The following CDH5 variants were observed in gnomAD, a reference collection of about 807,000 sequenced individuals.
CDH5 encodes cadherin-5.
Under a neutral mutation model 62.0 loss-of-function variants are expected in CDH5, and 28 were observed. The ratio of observed to expected loss-of-function variants is 0.45; its 90% confidence interval spans 0.33 to 0.62. The LOEUF (loss-of-function observed/expected upper bound fraction) is 0.62, where lower values mean the gene tolerates loss of function less well. Among genes scored for constraint, CDH5 ranks in the 20% least tolerant of loss-of-function variants. The pLI is 0.02. For missense variants in CDH5, 940 were observed against 1,065.1 expected (o/e 0.88, Z 1.63); for synonymous variants, 464 against 445.8 (o/e 1.04, Z -0.52).
Position 66,379,445 on chromosome 16 carries a change from C to T in CDH5, c.108C>T (p.His36=). The change falls in exon 2 of 12, where the codon CAC becomes CAT. Residue 36 remains histidine (H), a synonymous_variant. Transcript: ENST00000341529. ...CTAACCCTGCCCAACGGGACACCCA[C>T]AGCCTGCTGCCCACCCACCGGCGCC... ...AGANPAQRDT[H]SLLPTHRRQK... The T allele has an allele frequency of 6.2e-7, 1 of 1,614,218 alleles. No individual in the cohort carries two copies. The highest frequency in any genetic ancestry group is 1.1e-5 in the South Asian group (1 of 91,084).
At chr16:66,399,218 T>A (rs1175720398) in intron 10 of CDH5, among the ~76,000 whole-genome samples, 2 of 152,226 alleles carry the variant, frequency 1.3e-5, no homozygotes, top group African/African-American at 4.8e-5. Context: ...GTGATGGCAT[T>A]AGCAGCCAAT....
intron 7 of CDH5, 37 bp downstream of exon 7, chr16:66,392,420 A>G (rs777168279): frequency 1.2e-6 from 2 of 1,610,368 alleles, no homozygotes; most frequent in South Asian, 1.1e-5. Context: ...GATAAGGACA[A>G]TCCGGCCTGG....
intron 1 of CDH5, among the ~76,000 whole-genome samples, chr16:66,371,602 C>A (rs149600202): frequency 3.0e-4 from 46 of 152,280 alleles, no homozygotes; most frequent in African/African-American, 9.6e-4. Flanking sequence ...GTCCATGAGG[C>A]CTGCAGATGT....
Position 66,390,550 on chromosome 16 carries a change from C to A in CDH5, c.929C>A (p.Thr310Lys). The A allele has an allele frequency of 1.2e-6, 2 of 1,614,168 alleles. No homozygotes were observed. Among genetic ancestry groups the A allele is most frequent in the Non-Finnish European group, 8.5e-7 (1 of 1,180,028 alleles). ...GDYQDAFTIE[T>K]NPAHNEGIIK... ...TACCAGGACGCTTTCACCATTGAGACAAACCCCGCCCACAACGAGGGCATC... is the reference window on the plus strand; with the variant it reads ...TACCAGGACGCTTTCACCATTGAGAAAAACCCCGCCCACAACGAGGGCATC... The change falls in exon 6 of 12, where the codon ACA becomes AAA. Residue 310 changes from threonine to lysine, a missense_variant. Physicochemically the swap from Thr to Lys is moderately conservative, Grantham distance 78 (BLOSUM62 -1). Transcript: ENST00000341529.
intron 1 of CDH5, among the ~76,000 whole-genome samples, chr16:66,371,361 T>A (rs1274375122): frequency 6.6e-6 from 1 of 152,052 alleles, no homozygotes; most frequent in Non-Finnish European, 1.5e-5. Flanking sequence ...TCCTGCATGT[T>A]CTAGGCCGGC....
At chr16:66,394,764 C>T (rs1376166106) in intron 7 of CDH5, among the ~76,000 whole-genome samples, 2 of 145,920 alleles carry the variant, frequency 1.4e-5, no homozygotes, top group African/African-American at 2.5e-5. Context: ...CTTCCCATGC[C>T]AGGTTTTTAC....
chr16:66,384,610 C>T (rs1311355628), intron 2 of CDH5, among the ~76,000 whole-genome samples: 33 of 142,746 alleles, frequency 2.3e-4, no homozygotes, highest in Admixed American at 2.2e-3. Context: ...AAAAATTAGC[C>T]GAGCTTGGTG....
At chr16:66,386,741 T>A in intron 2 of CDH5, 68 bp from the exon 3 acceptor site, 2 of 1,392,228 alleles carry the variant, frequency 1.4e-6, no homozygotes, top group South Asian at 2.7e-5. Context: ...GTACACACAC[T>A]CTCACTCACA....
chr16:66,402,954 G>T lies in CDH5; in HGVS notation c.2140G>T (p.Asp714Tyr). Residue 714 changes from aspartate (D) to tyrosine (Y), a missense_variant, in exon 12 of 12, where the codon GAC becomes TAC. Asp to Tyr is a radical substitution (Grantham distance 160). Transcript: ENST00000341529. ...EMAAMIEVKK[D>Y]EADHDGDGPP... ...GGCAGCCATGATCGAGGTGAAGAAG[G>T]ACGAGGCGGACCACGACGGCGACGG... is the stretch of plus-strand genomic sequence containing the variant. 1 of 1,612,726 alleles carries T rather than the reference G, an allele frequency of 6.2e-7. No homozygotes were observed. Among genetic ancestry groups the T allele is most frequent in the Non-Finnish European group, 8.5e-7 (1 of 1,179,930 alleles).
chr16:66,392,036 G>A (rs1289971233), intron 6 of CDH5, 100 bp from the exon 7 acceptor site: 11 of 1,422,514 alleles, frequency 7.7e-6, no homozygotes, highest in Non-Finnish European at 1.1e-5. Context: ...TATAAAATGG[G>A]TGTCATCCTG....
rs546160400 is a variant in CDH5, at chr16:66,371,299, A to G, written c.-20+4541A>G. Among the ~76,000 whole-genome samples the G allele has an allele frequency of 2.3e-3, 352 of 152,276 alleles. 2 individuals are homozygous for G. Among genetic ancestry groups the G allele is most frequent in the Admixed American group, 8.2e-3 (126 of 15,302 alleles). ...GGGAAAGCGGTGGGGAGAGCTGCCC[A>G]GGGCCACACACGGAGCTGGGTCTTC... On this transcript the variant is annotated intron_variant, in intron 1 of 11. Coordinates refer to ENST00000341529, the MANE Select transcript of CDH5 (RefSeq NM_001795.5).
At chr16:66,400,255 A>G (rs1425251680) in intron 10 of CDH5, among the ~76,000 whole-genome samples, 1 of 152,198 alleles carries the variant, frequency 6.6e-6, no homozygotes, top group Non-Finnish European at 1.5e-5. Context: ...TCTATATGTA[A>G]TCATTTTCTC....
At chr16:66,378,681 G>A (rs969611170) in intron 1 of CDH5, among the ~76,000 whole-genome samples, 1 of 152,172 alleles carries the variant, frequency 6.6e-6, no homozygotes, top group Non-Finnish European at 1.5e-5. Context: ...TCTTCCTGGA[G>A]ACCTTCCCCA....
intron 2 of CDH5, among the ~76,000 whole-genome samples, chr16:66,384,345 T>G (rs1486381582): frequency 6.6e-6 from 1 of 151,662 alleles, no homozygotes; most frequent in Non-Finnish European, 1.5e-5. Context: ...CCACCCACCT[T>G]GGACTCCCAA....
intron 11 of CDH5, among the ~76,000 whole-genome samples, chr16:66,401,449 G>A (rs1445414845): frequency 6.6e-6 from 1 of 152,198 alleles, no homozygotes. Context: ...AGTTTAGATT[G>A]TCTCCACGTG....
In CDH5 at chr16:66,396,077, C is replaced by A. The variant is rs1163703075; in HGVS notation, c.1236C>A (p.Thr412=). Residue 412 remains threonine, a synonymous_variant, in exon 8 of 12, where the codon ACC becomes ACA. Transcript: ENST00000341529. ...TGGGCAGATACTCCATCCGCAGGAC[C>A]AGTGACAAGGGCCAGTTCTTCCGAG... ...RHSIGYSIRR[T]SDKGQFFRVT... 2 of 1,613,886 alleles carry A rather than the reference C, an allele frequency of 1.2e-6. No homozygotes were observed. Among genetic ancestry groups the A allele is most frequent in the Non-Finnish European group, 8.5e-7 (1 of 1,179,990 alleles).
intron 7 of CDH5, chr16:66,395,503 C>CTTTTCTTTTTTTTTTT (rs1961164785): frequency 1.2e-5 from 1 of 80,956 alleles, no homozygotes; most frequent in Non-Finnish European, 2.2e-5. Flanking sequence ...CTTTTCTTTT[C>CTTTTCTTTTTTTTTTT]TTTTTTTTTT....
chr16:66,375,033 G>A (rs1230410576), intron 1 of CDH5, among the ~76,000 whole-genome samples: 2 of 151,986 alleles, frequency 1.3e-5, no homozygotes, highest in South Asian at 2.1e-4. Flanking sequence ...AGGTGATTTC[G>A]CTGTTGTGCA....
At chr16:66,390,025 C>G (rs1021812229) in intron 5 of CDH5, among the ~76,000 whole-genome samples, 2 of 152,242 alleles carry the variant, frequency 1.3e-5, no homozygotes, top group African/African-American at 4.8e-5. Context: ...TCTCCACTTG[C>G]AACTCCCAGT....
Sources: gnomAD v4.1 joint callset for allele counts (sites outside exome capture counted in the v4.1 genomes callset) on GRCh38, gnomAD v4.1.1 for gene constraint, MANE v1.5 for transcripts, NCBI Gene and HGNC (gene_info 2026-07-23, HGNC 2026-07-21) for gene names.